BCAR3: variants seen among roughly 807,000 people sequenced by gnomAD.
BCAR3 encodes the protein BCAR3 adaptor protein, NSP family member.
BCAR3 carries 37 observed loss-of-function variants against 80.1 expected under a neutral mutation model. The observed-to-expected ratio is 0.46, with a 90% confidence interval of 0.36 to 0.61. BCAR3 has a LOEUF of 0.61. Among genes scored for constraint, BCAR3 ranks in the 20% least tolerant of loss-of-function variants. The pLI is 0.00. For synonymous variants in BCAR3, 389 were observed against 418.9 expected (o/e 0.93, Z 0.87); for missense variants, 978 against 1,068.2 (o/e 0.92, Z 1.18).
chr1:93,605,942 C>T (rs1463791738), intron 3 of BCAR3, among the ~76,000 whole-genome samples: 2 of 152,198 alleles, frequency 1.3e-5, no homozygotes, highest in Non-Finnish European at 2.9e-5. Context: ...GGGTGTAGAA[C>T]AAATGACTTT....
intron 2 of BCAR3, among the ~76,000 whole-genome samples, chr1:93,737,330 C>T (rs1261127744): frequency 7.9e-5 from 12 of 152,026 alleles, no homozygotes; most frequent in South Asian, 2.1e-4. Context: ...TAATTAGTTA[C>T]GATGAGGACA....
intron 1 of BCAR3, among the ~76,000 whole-genome samples, chr1:93,680,419 T>C (rs1648698074): frequency 6.6e-6 from 1 of 152,190 alleles, no homozygotes. Flanking sequence ...GCGCTTTGCC[T>C]GTGGGCTTCC....
intron 3 of BCAR3, among the ~76,000 whole-genome samples, chr1:93,611,410 A>C (rs1674942742): frequency 6.6e-6 from 1 of 152,200 alleles, no homozygotes. Flanking sequence ...ATGATCTGGA[A>C]TATCTCCATT....
At chr1:93,727,141 T>C (rs1650612849) in intron 2 of BCAR3, among the ~76,000 whole-genome samples, 1 of 152,222 alleles carries the variant, frequency 6.6e-6, no homozygotes, top group Admixed American at 6.5e-5. Flanking sequence ...ATTGTCATGG[T>C]CTTAATCTGT....
intron 2 of BCAR3, among the ~76,000 whole-genome samples, chr1:93,764,771 G>A (rs1449379244): frequency 1.3e-5 from 2 of 152,152 alleles, no homozygotes; most frequent in African/African-American, 2.4e-5. Context: ...TGGTCAGAAT[G>A]CTTCCTCTCT....
At chr1:93,607,624 C>A (rs1171218010) in intron 3 of BCAR3, among the ~76,000 whole-genome samples, 1 of 152,010 alleles carries the variant, frequency 6.6e-6, no homozygotes, top group Admixed American at 6.6e-5. Flanking sequence ...AAAAAAAAGG[C>A]CCAGCATGCT....
intron 3 of BCAR3, among the ~76,000 whole-genome samples, chr1:93,695,718 T>C (rs975305934): frequency 1.3e-5 from 2 of 152,208 alleles, no homozygotes; most frequent in Non-Finnish European, 2.9e-5. Context: ...TCCTCTGAAA[T>C]TGCGCTCCCT....
chr1:93,691,606 G>A (rs1649191910), intron 3 of BCAR3, among the ~76,000 whole-genome samples: 1 of 152,138 alleles, frequency 6.6e-6, no homozygotes, highest in Non-Finnish European at 1.5e-5. Context: ...TCCCAGCTCA[G>A]CAGCCTCCTG....
chr1:93,584,237 G>C, intron 5 of BCAR3, 116 bp from the exon 6 acceptor site: 3 of 829,400 alleles, frequency 3.6e-6, no homozygotes, highest in Admixed American at 5.7e-5. Context: ...CTCAGAACGA[G>C]AGTGCTACAG....
In BCAR3 at chr1:93,592,245, G is replaced by T; in HGVS notation, c.486+20C>A. 2 of 1,613,266 alleles carry T rather than the reference G, an allele frequency of 1.2e-6. No individual in the cohort carries two copies. Among genetic ancestry groups the T allele is most frequent in the Non-Finnish European group, 1.7e-6 (2 of 1,179,986 alleles). On this transcript the variant is annotated intron_variant, in intron 4 of 11. Coordinates refer to ENST00000260502, the MANE Select transcript of BCAR3 (RefSeq NM_003567.4). This position sits in a 1 kb window ranked among gnomAD's most constrained non-coding sequence, Gnocchi z 4.8. ...CCTGAGAGCAGCCGTGTATGCTCTG[G>T]AAGGGACAAGACCAGGTACCTGTCG...
chr1:93,764,898 C>T (rs1473362441), intron 2 of BCAR3, among the ~76,000 whole-genome samples: 1 of 152,180 alleles, frequency 6.6e-6, no homozygotes. Context: ...TACCCCAGGC[C>T]ACATCCACAG....
intron 3 of BCAR3, among the ~76,000 whole-genome samples, chr1:93,631,985 A>T (rs969175949): frequency 6.6e-6 from 1 of 152,226 alleles, no homozygotes; most frequent in East Asian, 1.9e-4. Context: ...AGGCAGGAGC[A>T]GTCAGGGTTC....
At chr1:93,581,317 AAAT>A (rs1673697834) in intron 7 of BCAR3, among the ~76,000 whole-genome samples, 1 of 152,242 alleles carries the variant, frequency 6.6e-6, no homozygotes, top group Non-Finnish European at 1.5e-5. Context: ...TTTACAGAGA[AAAT>A]AATAATGTTT....
chr1:93,723,252 G>T (rs1171909968), intron 2 of BCAR3: 1 of 152,272 alleles, frequency 6.6e-6, no homozygotes, highest in Non-Finnish European at 1.5e-5. Context: ...ACACACTCCA[G>T]TGTCCTCTGG....
At chr1:93,583,663 T>G (rs1489617704) in intron 6 of BCAR3, among the ~76,000 whole-genome samples, 1 of 152,086 alleles carries the variant, frequency 6.6e-6, no homozygotes, top group East Asian at 1.9e-4. Flanking sequence ...GGGAGTAGGC[T>G]CATTTGTCAT....
upstream of BCAR3, chr1:93,847,579 G>A (rs1016156116): frequency 6.6e-6 from 1 of 152,394 alleles, no homozygotes; most frequent in Non-Finnish European, 1.5e-5. Context: ...AGGTGGCTCC[G>A]TGGCGCAATG....
chr1:93,582,154 T>C (rs1673733034), intron 7 of BCAR3, 147 bp downstream of exon 7: 2 of 1,077,248 alleles, frequency 1.9e-6, no homozygotes, highest in Admixed American at 5.7e-5. Context: ...CAGACTTTCC[T>C]ATGGGCAAAG....
At chr1:93,713,069 G>A (rs1650077832) in intron 2 of BCAR3, among the ~76,000 whole-genome samples, 1 of 152,194 alleles carries the variant, frequency 6.6e-6, no homozygotes, top group Non-Finnish European at 1.5e-5. Flanking sequence ...TGTCCACTAT[G>A]GTTGCCAGGA....
chr1:93,568,471 C>T (rs1673058651), intron 9 of BCAR3, among the ~76,000 whole-genome samples: 1 of 152,142 alleles, frequency 6.6e-6, no homozygotes, highest in Non-Finnish European at 1.5e-5. Flanking sequence ...CAAAGTAAAA[C>T]ACCTGAATGA....
Sources: gnomAD v4.1 joint callset for allele counts (sites outside exome capture counted in the v4.1 genomes callset) on GRCh38, gnomAD v4.1.1 for gene constraint, Gnocchi (gnomAD v3.1) non-coding constraint, MANE v1.5 for transcripts, NCBI Gene and HGNC (gene_info 2026-07-23, HGNC 2026-07-21) for gene names.